Variants in RNF41 observed in about 807,000 individuals in gnomAD.
RNF41 encodes ring finger protein 41.
A neutral mutation model predicts 33.0 loss-of-function variants in RNF41; 4 were observed. That is an observed-to-expected ratio of 0.12 (90% CI 0.06 to 0.28). The LOEUF is 0.28. Among genes scored for constraint, RNF41 ranks in the 10% least tolerant of loss-of-function variants. RNF41 has a pLI of 1.00. For missense variants in RNF41, 228 were observed against 432.6 expected, an observed-to-expected ratio of 0.53 and a Z score of 4.19; for synonymous variants, 164 against 153.2, an observed-to-expected ratio of 1.07 and a Z score of -0.52.
At chr12:56,212,575 C>A (rs1199075692) in intron 3 of RNF41, among the ~76,000 whole-genome samples, 2 of 151,854 alleles carry the variant, frequency 1.3e-5, no homozygotes, top group Non-Finnish European at 2.9e-5. Flanking sequence ...GAGGAGGGAA[C>A]CTGACACACC....
Position 56,207,504 on chromosome 12 carries a change from C to T in RNF41, c.602+142G>A, listed in dbSNP as rs1163723448. 3 of 780,678 alleles carry T rather than the reference C, an allele frequency of 3.8e-6. No individual in the cohort carries two copies. In the African/African-American group the frequency reaches 5.1e-5, roughly 13 times the overall value. The allele number at this position is 780,678 out of a possible 1,614,324, so 48.4% of individuals were successfully genotyped here. A position where few individuals can be genotyped will look rare whatever the true frequency, so the allele number is the denominator to read the frequency against. The stretch of plus-strand genomic sequence containing the variant: ...AGGGTTATCCTCTTCTCCTCTGCCC[C>T]TGTCCTTAATGCCAATATCTGAGAA... On this transcript the variant is annotated intron_variant, in intron 6 of 6. Transcript: ENST00000345093.
chr12:56,206,768 C>T lies in RNF41; in HGVS notation c.633G>A (p.Val211=). The change falls in exon 7 of 7, where the codon GTG becomes GTA. Residue 211 remains valine, a synonymous_variant. Coordinates refer to ENST00000345093, the MANE Select transcript of RNF41 (RefSeq NM_005785.4). This position sits in a 1 kb window ranked among gnomAD's most constrained non-coding sequence, Gnocchi z 5.7. ...TCGAGATCATCCCTCCCCAGCGGGT[C>T]ACTCTTGCTGGCTGAAGGGAGTTCA... ...EWVNSLQPAR[V]TRWGGMISTP... is the part of the protein sequence containing the mutation. The T allele has an allele frequency of 1.9e-6, 3 of 1,613,982 alleles. No homozygotes were observed. The highest frequency in any genetic ancestry group is 1.6e-4 in the Middle Eastern group (1 of 6,062).
intron 4 of RNF41, chr12:56,210,033 A>C: frequency 2.1e-6 from 1 of 483,538 alleles, no homozygotes; most frequent in Non-Finnish European, 3.8e-6. Context: ...CTGAAAGGGA[A>C]GAATAGAGTC....
At chr12:56,207,463 T>G (rs1482792106) in intron 6 of RNF41, among the ~76,000 whole-genome samples, 183 bp downstream of exon 6, 1 of 152,194 alleles carries the variant, frequency 6.6e-6, no homozygotes, top group Non-Finnish European at 1.5e-5. Context: ...ACATAAGACA[T>G]CCTGTAGTGG....
At chr12:56,218,275 T>C (rs1040799360) in intron 1 of RNF41, among the ~76,000 whole-genome samples, 7 of 151,838 alleles carry the variant, frequency 4.6e-5, no homozygotes, top group Non-Finnish European at 8.8e-5. Flanking sequence ...TTATTATTTT[T>C]TTGAGATAGG....
intron 1 of RNF41, among the ~76,000 whole-genome samples, chr12:56,217,734 C>G (rs905022756): frequency 6.6e-6 from 1 of 152,058 alleles, no homozygotes; most frequent in African/African-American, 2.4e-5. Flanking sequence ...CCTGTCAGAT[C>G]AGCAGCGGCA....
rs1878705551 is a variant in RNF41, at chr12:56,203,740, C to G, written c.*2707G>C. ...TTTTTTTTTTAGACGGAGCCTTGCT[C>G]TGTCGCCCAGGCTGGAATGCAGTGG... On this transcript the variant is annotated 3_prime_UTR_variant, in exon 7 of 7. Transcript: ENST00000345093. 1 of 120,258 alleles carries G rather than the reference C, an allele frequency of 8.3e-6. No homozygotes were observed. Among genetic ancestry groups the G allele is most frequent in the Non-Finnish European group, 1.7e-5 (1 of 60,286 alleles). The allele number at this position is 120,258 out of a possible 1,614,324, so 7.4% of individuals were successfully genotyped here.
intron 4 of RNF41, among the ~76,000 whole-genome samples, chr12:56,209,439 C>T (rs1358693061): frequency 1.3e-5 from 2 of 151,422 alleles, no homozygotes; most frequent in East Asian, 3.9e-4. Context: ...TACAGGCGAG[C>T]ACCACCACAC....
chr12:56,206,602 T>C lies in RNF41; in HGVS notation c.799A>G (p.Met267Val). Residue 267 changes from methionine (M) to valine (V), a missense_variant, in exon 7 of 7, where the codon ATG becomes GTG. Around this residue, in one of 2 missense-constraint regions of RNF41, gnomAD observed 199 missense variants for 334.6 expected, o/e 0.59. Transcript: ENST00000345093. The surrounding 1 kb of genome is among the most constrained non-coding windows in gnomAD (Gnocchi z 5.7). ...TAGTTCTCATAGTAGCGTCGGTTCATCTGTCTAGTCTCTAGTGTGGCCAGA... is the reference window on the plus strand; with the variant it reads ...TAGTTCTCATAGTAGCGTCGGTTCACCTGTCTAGTCTCTAGTGTGGCCAGA... The part of the protein sequence containing the change: ...QGLATLETRQ[M>V]NRRYYENYVA... 2 of 1,614,178 alleles carry C rather than the reference T, an allele frequency of 1.2e-6. No homozygotes were observed. The highest frequency in any genetic ancestry group is 1.7e-6 in the Non-Finnish European group (2 of 1,180,028).
At chr12:56,215,590 G>T (rs959012204) in intron 2 of RNF41, among the ~76,000 whole-genome samples, 6 of 151,668 alleles carry the variant, frequency 4.0e-5, no homozygotes, top group Non-Finnish European at 8.8e-5. Flanking sequence ...GTGGTGGTGC[G>T]CACCTGTAGT....
intron 4 of RNF41, chr12:56,209,997 C>G: frequency 2.6e-6 from 1 of 379,808 alleles, no homozygotes; most frequent in Non-Finnish European, 4.9e-6. Flanking sequence ...TAGCAGTCAA[C>G]CTGACAAACG....
Position 56,205,983 on chromosome 12 carries a change from T to G in RNF41, c.*464A>C. The G allele has an allele frequency of 6.1e-6, 1 of 162,826 alleles. No homozygotes were observed. The highest frequency in any genetic ancestry group is 1.4e-5 in the Non-Finnish European group (1 of 73,362). 10.1% of individuals were successfully genotyped at this position (162,826 alleles called of 1,614,324 possible). A position where few individuals can be genotyped will look rare whatever the true frequency, so the allele number is the denominator to read the frequency against. ...ATGGCCAATTAACGGCCTCACTACT[T>G]ATTTCTAGAGATTTGGCTCCACCCT... On this transcript the variant is annotated 3_prime_UTR_variant, in exon 7 of 7. Transcript: ENST00000345093.
rs1195389260 is a variant in RNF41, at chr12:56,208,245, C to T, written c.416G>A (p.Arg139His). 4.3e-6 allele frequency: 7 copies of T among 1,614,162 alleles called. No individual in the cohort carries two copies. Among genetic ancestry groups the T allele is most frequent in the South Asian group, 3.3e-5 (3 of 91,084 alleles). ...TGTCTGCTGCTGCTGTACCACTGAG[C>T]GCAGGTGCTTAATGCAGTTATGGTT... ...LPNHNCIKHL[R>H]SVVQQQQTRI... is the part of the protein sequence containing the mutation. Residue 139 changes from arginine (R) to histidine (H), a missense_variant, in exon 5 of 7, where the codon CGC becomes CAC. By Grantham distance (29) the Arg-to-His change is conservative. Coordinates refer to ENST00000345093, the MANE Select transcript of RNF41 (RefSeq NM_005785.4).
At chr12:56,220,767 G>C (rs1464372564) in intron 1 of RNF41, among the ~76,000 whole-genome samples, 2 of 151,350 alleles carry the variant, frequency 1.3e-5, no homozygotes, top group Non-Finnish European at 2.9e-5. Context: ...AATAAATTTA[G>C]AGTACTGAGA....
chr12:56,213,072 A>G (rs1433915073), intron 3 of RNF41: 1 of 1,289,794 alleles, frequency 7.8e-7, no homozygotes, highest in East Asian at 5.5e-5. Flanking sequence ...CTGGCAGAGA[A>G]ATGACCTATT....
At chr12:56,221,196 G>A (rs1235753298) in intron 1 of RNF41, among the ~76,000 whole-genome samples, 1 of 152,138 alleles carries the variant, frequency 6.6e-6, no homozygotes, top group Non-Finnish European at 1.5e-5. Flanking sequence ...CTTCCAGTGT[G>A]TGGTGTGTGA....
In RNF41 at chr12:56,214,689, C is replaced by T. The variant is rs1037896877; in HGVS notation, c.-23-619G>A. ...ACTAAAAATACAAAAATTAGCTGGG[C>T]GTGGTGATGCACATCTGTAATCCCA... On this transcript the variant is annotated intron_variant, in intron 2 of 6. Transcript: ENST00000345093. Among the ~76,000 whole-genome samples the T allele has an allele frequency of 1.6e-4, 24 of 150,308 alleles. No individual in the cohort carries two copies. The East Asian group carries it at 4.6e-3, about 29-fold the overall frequency.
chr12:56,208,355 A>G, intron 4 of RNF41, 57 bp from the exon 5 acceptor site: 2 of 1,593,762 alleles, frequency 1.3e-6, no homozygotes, highest in South Asian at 2.2e-5. Flanking sequence ...ACATGTATGC[A>G]AATGGCCTAT....
chr12:56,209,454 C>G (rs1868348223), intron 4 of RNF41, among the ~76,000 whole-genome samples: 1 of 148,454 alleles, frequency 6.7e-6, no homozygotes. Flanking sequence ...CCACACTTGG[C>G]TAATTTTTTT....
Sources: gnomAD v4.1 joint callset for allele counts (sites outside exome capture counted in the v4.1 genomes callset) on GRCh38, gnomAD v4.1.1 for gene constraint, gnomAD v4.1.1 regional missense constraint, Gnocchi (gnomAD v3.1) non-coding constraint, MANE v1.5 for transcripts, NCBI Gene and HGNC (gene_info 2026-07-23, HGNC 2026-07-21) for gene names.